Variants in SPATA22 observed in about 807,000 individuals in gnomAD.
SPATA22 encodes spermatogenesis-associated protein 22.
In SPATA22, 29 loss-of-function variants were observed where a neutral mutation model predicts 47.8. The observed-to-expected ratio is 0.61, with a 90% CI of 0.45 to 0.83. The LOEUF is 0.83. Ranked by LOEUF, SPATA22 falls within the 40% of genes least tolerant of loss-of-function variation. The pLI is 0.00. For missense variants in SPATA22, 410 were observed against 421.7 expected, an observed-to-expected ratio of 0.97 and a Z score of 0.24; for synonymous variants, 133 against 140.9, an observed-to-expected ratio of 0.94 and a Z score of 0.40.
rs745761873 is a variant in SPATA22 at position 3,513,785 on chromosome 17, C to G, written c.-447G>C. On this transcript the variant is annotated 5_prime_UTR_variant, in exon 1 of 9. Coordinates refer to the SPATA22 transcript ENST00000541913. ...GTTCAGACACCCACTGAGCACTGAGCACGAGGGTGCACTCTGCTTCTAGGC... is the reference window on the plus strand; with the variant it reads ...GTTCAGACACCCACTGAGCACTGAGGACGAGGGTGCACTCTGCTTCTAGGC... 90 of 715,760 alleles carry G rather than the reference C, an allele frequency of 1.3e-4. No individual in the cohort carries two copies. Among genetic ancestry groups the G allele is most frequent in the Non-Finnish European group, 2.1e-4 (88 of 417,300 alleles). 44.3% of individuals were successfully genotyped at this position (715,760 alleles called of 1,614,324 possible).
At chr17:3,489,468 C>A in intron 1 of SPATA22, 1 of 761,006 alleles carries the variant, frequency 1.3e-6, no homozygotes, top group Non-Finnish European at 2.3e-6. Context: ...TTCACTTCAG[C>A]TATTCCCCAA....
intron 5 of SPATA22, among the ~76,000 whole-genome samples, chr17:3,451,513 C>T (rs2072859297): frequency 6.6e-6 from 1 of 152,162 alleles, no homozygotes; most frequent in Admixed American, 6.5e-5. Flanking sequence ...ACACATTCTT[C>T]TCAAGCACAG....
intron 5 of SPATA22, among the ~76,000 whole-genome samples, chr17:3,461,525 T>C (rs1045451997): frequency 6.6e-6 from 1 of 152,178 alleles, no homozygotes; most frequent in Admixed American, 6.5e-5. Flanking sequence ...TGGAACAATG[T>C]CTCTAAGAAC....
At chr17:3,463,832 T>A (rs1328889840) in intron 3 of SPATA22, among the ~76,000 whole-genome samples, 1 of 152,098 alleles carries the variant, frequency 6.6e-6, no homozygotes, top group East Asian at 1.9e-4. Context: ...TCTATTCTCT[T>A]CTATTTCTTT....
At chr17:3,496,144 G>A (rs901265180) in intron 1 of SPATA22, among the ~76,000 whole-genome samples, 1 of 152,156 alleles carries the variant, frequency 6.6e-6, no homozygotes, top group African/African-American at 2.4e-5. Context: ...AATAATGAAT[G>A]GCTCAGTATT....
chr17:3,495,528 G>A (rs2073893896), intron 1 of SPATA22, among the ~76,000 whole-genome samples: 1 of 152,174 alleles, frequency 6.6e-6, no homozygotes, highest in Non-Finnish European at 1.5e-5. Context: ...GAAACCTGAA[G>A]AAGCAGCCTT....
chr17:3,498,821 A>G, intron 1 of SPATA22: 1 of 1,331,860 alleles, frequency 7.5e-7, no homozygotes, highest in Non-Finnish European at 1.0e-6. Context: ...TTAGTTGTCT[A>G]GAGTCTGACA....
chr17:3,488,770 C>G lies in SPATA22; in HGVS notation c.-73-19372G>C, dbSNP rs1294287459. ...ATAGATTGTCATATTGACTGAAATCCATGATTCATCTAGTCTGGATTTCTG... is the reference window on the plus strand; with the variant it reads ...ATAGATTGTCATATTGACTGAAATCGATGATTCATCTAGTCTGGATTTCTG... On this transcript the variant is annotated intron_variant, in intron 1 of 8. Transcript: ENST00000541913. This position sits in a 1 kb window ranked among gnomAD's most constrained non-coding sequence, Gnocchi z 6.1. Among the ~76,000 whole-genome samples the G allele has an allele frequency of 2.0e-5, 3 of 152,168 alleles. No individual in the cohort carries two copies. Among genetic ancestry groups the G allele is most frequent in the African/African-American group, 7.2e-5 (3 of 41,446 alleles).
chr17:3,499,188 G>A, intron 1 of SPATA22: 4 of 1,313,318 alleles, frequency 3.0e-6, no homozygotes, highest in East Asian at 5.0e-5. Context: ...TGCATACATA[G>A]CTCCTAGCAC....
At chr17:3,470,381 C>A (rs1328421404) in intron 1 of SPATA22, among the ~76,000 whole-genome samples, 2 of 152,054 alleles carry the variant, frequency 1.3e-5, no homozygotes, top group Non-Finnish European at 2.9e-5. Flanking sequence ...ACAGACAGAC[C>A]GACACATACA....
intron 1 of SPATA22, chr17:3,494,518 A>G: frequency 7.2e-7 from 1 of 1,394,238 alleles, no homozygotes; most frequent in African/African-American, 1.4e-5. Context: ...TTTGAATAGA[A>G]GTTTATAGCT....
chr17:3,459,790 G>A (rs2073085236), intron 5 of SPATA22, among the ~76,000 whole-genome samples: 1 of 152,214 alleles, frequency 6.6e-6, no homozygotes, highest in African/African-American at 2.4e-5. Flanking sequence ...AGACTGTCAA[G>A]AGAGTGTTCC....
At chr17:3,475,611 C>T (rs530688135), upstream of SPATA22, 1 of 157,388 alleles carries the variant, frequency 6.4e-6, no homozygotes, top group Admixed American at 6.1e-5. Flanking sequence ...TGAGGGTCAG[C>T]CTTTGGCTGT....
chr17:3,488,019 TA>T lies in SPATA22; in HGVS notation c.-73-18622del, dbSNP rs1041410246. ...ATGCAAGAAACCTAAGCACAACAAATAAAAAATGATGCAAGAGAATAAGATA... is the reference window on the plus strand; with the variant it reads ...ATGCAAGAAACCTAAGCACAACAAATAAAAATGATGCAAGAGAATAAGATA... On this transcript the variant is annotated intron_variant, in intron 1 of 8. Coordinates refer to the SPATA22 transcript ENST00000541913. The surrounding 1 kb of genome is among the most constrained non-coding windows in gnomAD (Gnocchi z 6.1). 4.6e-5 allele frequency among the ~76,000 whole-genome samples: 7 copies of T among 152,006 alleles called. No individual in the cohort carries two copies. Among genetic ancestry groups the T allele is most frequent in the Admixed American group, 6.5e-5 (1 of 15,274 alleles).
upstream of SPATA22, chr17:3,476,397 T>C (rs1567608718): frequency 6.2e-7 from 1 of 1,612,990 alleles, no homozygotes; most frequent in Non-Finnish European, 8.5e-7. Flanking sequence ...AAATCTTGGG[T>C]AAGACTATGC....
At chr17:3,486,962 A>T (rs4790496) in intron 1 of SPATA22, among the ~76,000 whole-genome samples, 42,153 of 151,996 alleles carry the variant, frequency 0.28, 6,361 homozygotes, top group East Asian at 0.58. Context: ...TACACAAATA[A>T]CTTTCCTAAG....
intron 8 of SPATA22, among the ~76,000 whole-genome samples, chr17:3,442,889 A>AT (rs2072628026): frequency 6.6e-6 from 1 of 151,920 alleles, no homozygotes. Context: ...GCCATTCACC[A>AT]TATCACAGTG....
upstream of SPATA22, among the ~76,000 whole-genome samples, chr17:3,473,887 T>G (rs77541676): frequency 3.2e-3 from 487 of 152,292 alleles, 1 homozygote; most frequent in African/African-American, 0.011. Flanking sequence ...GCTTACTCTT[T>G]TAAGTACTTC....
intron 1 of SPATA22, among the ~76,000 whole-genome samples, chr17:3,481,216 A>G (rs2073621753): frequency 6.6e-6 from 1 of 152,200 alleles, no homozygotes; most frequent in Admixed American, 6.5e-5. Context: ...TGGGGGAAAA[A>G]AAGATGCATT....
Sources: allele counts gnomAD v4.1 joint callset (sites outside exome capture counted in the v4.1 genomes callset), GRCh38; gene constraint gnomAD v4.1.1; non-coding constraint Gnocchi (gnomAD v3.1); transcripts MANE v1.5; gene names NCBI Gene and HGNC (gene_info 2026-07-23, HGNC 2026-07-21).